The following LOC400499 variants were observed in gnomAD, a reference collection of about 807,000 sequenced individuals.
At chr16:11,397,894 G>A in the LOC400499 span, among the ~76,000 whole-genome samples, 3 of 152,048 alleles carry the variant, frequency 2.0e-5, no homozygotes, top group Non-Finnish European at 4.4e-5. Flanking sequence ...TACGGGGATG[G>A]ATGGAAGATA....
chr16:11,404,142 A>G, the LOC400499 span, among the ~76,000 whole-genome samples: 3 of 152,042 alleles, frequency 2.0e-5, no homozygotes, highest in Non-Finnish European at 2.9e-5. Context: ...GCCTTCCCAG[A>G]CCACCCCACC....
chr16:11,467,002 G>C, the LOC400499 span: 2 of 152,282 alleles, frequency 1.3e-5, no homozygotes, highest in African/African-American at 2.4e-5. Flanking sequence ...ACCCAAACTG[G>C]AGTGCAGTAG....
the LOC400499 span, among the ~76,000 whole-genome samples, chr16:11,380,138 T>C: frequency 6.6e-6 from 1 of 152,166 alleles, no homozygotes; most frequent in East Asian, 1.9e-4. Flanking sequence ...ATGTTTAACG[T>C]AGATGTATAG....
At chr16:11,522,304 AC>A in the LOC400499 span, among the ~76,000 whole-genome samples, 3 of 152,196 alleles carry the variant, frequency 2.0e-5, no homozygotes, top group South Asian at 4.2e-4. Context: ...AAAGATAATA[AC>A]AGTAAGTGCT....
the LOC400499 span, among the ~76,000 whole-genome samples, chr16:11,390,702 G>T: frequency 6.6e-6 from 1 of 152,188 alleles, no homozygotes; most frequent in South Asian, 2.1e-4. Context: ...TTGGGGGAGG[G>T]TTCCCACCAG....
the LOC400499 span, chr16:11,384,812 G>A: frequency 3.2e-5 from 39 of 1,202,602 alleles, no homozygotes; most frequent in African/African-American, 2.0e-4. Context: ...GCCCCCTGCC[G>A]CCCTGGAAGC....
At chr16:11,410,306 T>C in the LOC400499 span, among the ~76,000 whole-genome samples, 2 of 151,472 alleles carry the variant, frequency 1.3e-5, no homozygotes, top group East Asian at 3.9e-4. Context: ...ATACAAAAAT[T>C]AGCCAGGCGT....
chr16:11,397,843 G>T, the LOC400499 span, among the ~76,000 whole-genome samples: 1 of 151,850 alleles, frequency 6.6e-6, no homozygotes, highest in Non-Finnish European at 1.5e-5. Flanking sequence ...ACGGTTGGAG[G>T]ATGAATGGAT....
At chr16:11,508,948 G>T in the LOC400499 span, 9 of 397,116 alleles carry the variant, frequency 2.3e-5, no homozygotes, top group Non-Finnish European at 4.0e-5. Context: ...CCCCTCCAGT[G>T]CTTCCTTCAG....
chr16:11,428,818 AG>A, the LOC400499 span, among the ~76,000 whole-genome samples: 2 of 152,130 alleles, frequency 1.3e-5, no homozygotes, highest in Non-Finnish European at 2.9e-5. Context: ...GAGAGTGGAT[AG>A]GGGATAAAGA....
the LOC400499 span, among the ~76,000 whole-genome samples, chr16:11,422,065 G>C: frequency 6.6e-5 from 10 of 152,316 alleles, no homozygotes; most frequent in African/African-American, 2.2e-4. Context: ...AAGTCTTCGA[G>C]TTTGCAACCC....
the LOC400499 span, among the ~76,000 whole-genome samples, chr16:11,441,738 T>C: frequency 2.6e-5 from 4 of 152,024 alleles, no homozygotes; most frequent in East Asian, 5.8e-4. Context: ...GCTTTGAAGG[T>C]GGAAGAAGGG....
the LOC400499 span, chr16:11,508,929 C>T: frequency 0.034 from 13,348 of 397,576 alleles, 881 homozygotes; most frequent in African/African-American, 0.18. Flanking sequence ...CTCTGGGAGT[C>T]GCCCCCACCC....
chr16:11,448,959 T>C, the LOC400499 span: 824 of 1,503,008 alleles, frequency 5.5e-4, 1 homozygote, highest in East Asian at 4.4e-3. Context: ...GTTCAGCTCC[T>C]GCTGGGGGCC....
chr16:11,469,690 G>A, the LOC400499 span: 1 of 399,028 alleles, frequency 2.5e-6, no homozygotes. Flanking sequence ...GAGTCTTCAA[G>A]ATTGAGAGCC....
the LOC400499 span, among the ~76,000 whole-genome samples, chr16:11,430,588 G>T: frequency 6.6e-6 from 1 of 152,154 alleles, no homozygotes; most frequent in Admixed American, 6.5e-5. Context: ...CATATAGAGA[G>T]AATATGAGAA....
the LOC400499 span, among the ~76,000 whole-genome samples, chr16:11,498,649 T>C: frequency 0.67 from 101,645 of 151,212 alleles, 34,303 homozygotes; most frequent in Admixed American, 0.74. Context: ...CCAGGGCTCA[T>C]GCAGGGCCTT....
the LOC400499 span, among the ~76,000 whole-genome samples, chr16:11,427,124 T>C: frequency 6.6e-6 from 1 of 151,150 alleles, no homozygotes; most frequent in Non-Finnish European, 1.5e-5. Flanking sequence ...TTGGGAGGCC[T>C]AGGAGGGTGG....
the LOC400499 span, among the ~76,000 whole-genome samples, chr16:11,394,786 C>G: frequency 0.023 from 3,465 of 152,258 alleles, 87 homozygotes; most frequent in Middle Eastern, 0.088. Context: ...TGGGTCCTGG[C>G]AACCACCAGA....
Sources: allele counts gnomAD v4.1 joint callset (sites outside exome capture counted in the v4.1 genomes callset), GRCh38; gene constraint gnomAD v4.1.1; transcripts MANE v1.5.